The following ATAD1 variants were observed in gnomAD, a reference collection of about 807,000 sequenced individuals.
ATAD1 encodes outer mitochondrial transmembrane helix translocase.
ATAD1 carries 18 observed loss-of-function variants against 42.7 expected under a neutral mutation model. That is an observed-to-expected ratio of 0.42 (90% CI 0.29 to 0.63). ATAD1 has a LOEUF of 0.63. ATAD1 is among the 20% of genes least tolerant of loss of function. The pLI is 0.19. For synonymous variants in ATAD1, 132 were observed against 143.1 expected (o/e 0.92, Z 0.55); for missense variants, 294 against 440.4 (o/e 0.67, Z 2.98).
In ATAD1 at chr10:87,787,536, T is replaced by C. The variant is rs2131902664; in HGVS notation, c.382+2774A>G. On this transcript the variant is annotated intron_variant, in intron 4 of 9. Transcript: ENST00000680024. ...CAGGACCCAGAGGCAGGAGGATCAT[T>C]TGAGCCCAGGAGGCTGCAGCAGTGG... Among the ~76,000 whole-genome samples the C allele has an allele frequency of 2.0e-5, 3 of 152,236 alleles. No homozygotes were observed. In the South Asian group the frequency reaches 6.2e-4, roughly 32 times the overall value.
rs1854111647 is a variant in ATAD1, at chr10:87,753,900, A to C, written c.*787T>G. ...TTGAAAGGCCTTTTAATCCACTTTC[A>C]TGTAAACCAATTTAAATTTAAAAAG... On this transcript the variant is annotated 3_prime_UTR_variant, in exon 10 of 10. Transcript: ENST00000680024. 6.6e-6 allele frequency: 1 copy of C among 152,612 alleles called. No homozygotes were observed. The highest frequency in any genetic ancestry group is 6.5e-5 in the Admixed American group (1 of 15,278). The allele number at this position is 152,612 out of a possible 1,614,324, so 9.5% of individuals were successfully genotyped here. A position where few individuals can be genotyped will look rare whatever the true frequency, so the allele number is the denominator to read the frequency against.
In ATAD1 at chr10:87,751,536, A is replaced by G. The variant is rs1854023831; in HGVS notation, c.*3151T>C. On this transcript the variant is annotated 3_prime_UTR_variant, in exon 10 of 10. Coordinates refer to ENST00000680024, the MANE Select transcript of ATAD1 (RefSeq NM_001321967.2). ...ATTATGTTAGAAGCTCATATTTAATAAGGTTCAAGTTCTCCTCAATATGAT... is the reference window on the plus strand; with the variant it reads ...ATTATGTTAGAAGCTCATATTTAATGAGGTTCAAGTTCTCCTCAATATGAT... 1 of 152,192 alleles carries G rather than the reference A, an allele frequency of 6.6e-6. No homozygotes were observed. The highest frequency in any genetic ancestry group is 1.5e-5 in the Non-Finnish European group (1 of 68,020). 9.4% of individuals were successfully genotyped at this position (152,192 alleles called of 1,614,324 possible).
At chr10:87,781,202 A>T (rs1002068283) in intron 5 of ATAD1, among the ~76,000 whole-genome samples, 1 of 152,158 alleles carries the variant, frequency 6.6e-6, no homozygotes, top group South Asian at 2.1e-4. Context: ...AGTCAACATA[A>T]AGTAAAATTA....
chr10:87,780,250 A>G (rs1855503286), intron 5 of ATAD1, among the ~76,000 whole-genome samples: 2 of 152,232 alleles, frequency 1.3e-5, no homozygotes, highest in South Asian at 4.1e-4. Flanking sequence ...AACATTACAG[A>G]AAAGGTAAAA....
At position 87,754,606 on chromosome 10, in the gene ATAD1, C is replaced by G; in HGVS notation, c.*81G>C. The G allele has an allele frequency of 6.9e-7, 1 of 1,453,480 alleles. No individual in the cohort carries two copies. Among genetic ancestry groups the G allele is most frequent in the Non-Finnish European group, 9.3e-7 (1 of 1,077,810 alleles). 90.0% of individuals were successfully genotyped at this position (1,453,480 alleles called of 1,614,324 possible). A position where few individuals can be genotyped will look rare whatever the true frequency, so the allele number is the denominator to read the frequency against. ...CTGAGCTCCCTCATTGTTTAAAGAG[C>G]ACTCTTTCCGTTCTATTTCCACTAA... On this transcript the variant is annotated 3_prime_UTR_variant, in exon 10 of 10. Coordinates refer to ENST00000680024, the MANE Select transcript of ATAD1 (RefSeq NM_001321967.2).
chr10:87,811,908 AC>A (rs1857201739), intron 2 of ATAD1, among the ~76,000 whole-genome samples: 1 of 152,154 alleles, frequency 6.6e-6, no homozygotes, highest in African/African-American at 2.4e-5. Context: ...TGCCCTACCT[AC>A]CAGTTTCCAA....
intron 9 of ATAD1, 63 bp downstream of exon 9, chr10:87,756,726 A>C (rs1449103418): frequency 1.4e-6 from 2 of 1,436,386 alleles, no homozygotes; most frequent in African/African-American, 2.9e-5. Flanking sequence ...AAAATAAAAG[A>C]AACTAACCTA....
At chr10:87,830,865 G>T (rs771205479) in intron 1 of ATAD1, among the ~76,000 whole-genome samples, 8 of 152,116 alleles carry the variant, frequency 5.3e-5, no homozygotes, top group Admixed American at 1.3e-4. Context: ...GCATAGAAAT[G>T]GCTAGGGAAG....
chr10:87,774,316 G>C (rs1394861881), intron 6 of ATAD1, among the ~76,000 whole-genome samples: 1 of 152,176 alleles, frequency 6.6e-6, no homozygotes, highest in Non-Finnish European at 1.5e-5. Flanking sequence ...ACAGTTCTGA[G>C]GTAGGTAATA....
chr10:87,771,403 C>G (rs769201734), intron 6 of ATAD1, among the ~76,000 whole-genome samples: 113 of 152,096 alleles, frequency 7.4e-4, no homozygotes, highest in South Asian at 1.7e-3. Context: ...GACTAAAACC[C>G]ATTATGTTAT....
upstream of ATAD1, among the ~76,000 whole-genome samples, chr10:87,819,530 T>G (rs1489340093): frequency 6.6e-6 from 1 of 152,172 alleles, no homozygotes; most frequent in African/African-American, 2.4e-5. Context: ...TAATACCTAG[T>G]TAATGTCTGC....
Position 87,810,853 on chromosome 10 carries a change from A to G in ATAD1, c.162+3585T>C, listed in dbSNP as rs558239864. 6.6e-5 allele frequency among the ~76,000 whole-genome samples: 10 copies of G among 152,322 alleles called. No individual in the cohort carries two copies. In the East Asian group the frequency reaches 1.5e-3, roughly 24 times the overall value. On this transcript the variant is annotated intron_variant, in intron 2 of 9. Transcript: ENST00000680024. ...TTCTAGATTTATAGGAGTATCATCT[A>G]TGAAACTACCTACTTTAGATTGGCC...
intron 2 of ATAD1, among the ~76,000 whole-genome samples, chr10:87,810,170 G>A (rs1857116930): frequency 6.6e-6 from 1 of 151,806 alleles, no homozygotes; most frequent in African/African-American, 2.4e-5. Flanking sequence ...TTACCCAGGA[G>A]TCATTTTAAA....
At chr10:87,761,147 A>C (rs1219423850) in intron 8 of ATAD1, among the ~76,000 whole-genome samples, 2 of 152,174 alleles carry the variant, frequency 1.3e-5, no homozygotes, top group Non-Finnish European at 2.9e-5. Context: ...TTACCAAATA[A>C]ATATATGTGC....
chr10:87,783,371 TA>T (rs764505966), intron 5 of ATAD1, among the ~76,000 whole-genome samples: 1 of 144,870 alleles, frequency 6.9e-6, no homozygotes. Flanking sequence ...GATGCTGTCT[TA>T]AAAAAAAACA....
chr10:87,835,453 T>C (rs149175706), intron 1 of ATAD1, among the ~76,000 whole-genome samples: 6 of 152,306 alleles, frequency 3.9e-5, no homozygotes, highest in South Asian at 2.1e-4. Context: ...GTCTACTTTG[T>C]CTGATAGTAA....
intron 1 of ATAD1, among the ~76,000 whole-genome samples, chr10:87,825,987 C>A (rs936146026): frequency 6.6e-6 from 1 of 152,194 alleles, no homozygotes; most frequent in Admixed American, 6.5e-5. Context: ...GAATGCACTT[C>A]TTCCAAAGGC....
At chr10:87,773,127 C>G (rs1855130315) in intron 6 of ATAD1, among the ~76,000 whole-genome samples, 1 of 152,032 alleles carries the variant, frequency 6.6e-6, no homozygotes, top group African/African-American at 2.4e-5. Context: ...ATCTATGTAA[C>G]AAACCTGCAC....
intron 5 of ATAD1, among the ~76,000 whole-genome samples, chr10:87,781,710 TGCTCACTGAATATCCTCAATCTCCTGG>T (rs1392630759): frequency 6.6e-6 from 1 of 152,100 alleles, no homozygotes; most frequent in African/African-American, 2.4e-5. Flanking sequence ...GCATGACCTA[TGCTCACTGAATATCCTCAATCTCCTGG>T]GCTCAAGTGA....
Sources: allele counts gnomAD v4.1 joint callset (sites outside exome capture counted in the v4.1 genomes callset), GRCh38; gene constraint gnomAD v4.1.1; transcripts MANE v1.5; gene names NCBI Gene and HGNC (gene_info 2026-07-23, HGNC 2026-07-21).